The following GPAM variants were observed in gnomAD, a reference collection of about 807,000 sequenced individuals.
GPAM encodes glycerol-3-phosphate acyltransferase, mitochondrial.
GPAM carries 56 observed loss-of-function variants against 105.0 expected under a neutral mutation model. That is an observed-to-expected ratio of 0.53 (90% CI 0.43 to 0.67). The LOEUF (loss-of-function observed/expected upper bound fraction) is 0.67. Among genes scored for constraint, GPAM ranks in the 30% least tolerant of loss-of-function variants. The pLI is 0.00. For missense variants in GPAM, 855 were observed against 989.8 expected (o/e 0.86, Z 1.83); for synonymous variants, 368 against 354.4 (o/e 1.04, Z -0.43).
the GPAM span, among the ~76,000 whole-genome samples, chr10:112,223,569 T>C: frequency 6.6e-6 from 1 of 152,234 alleles, no homozygotes; most frequent in African/African-American, 2.4e-5. Context: ...AAATCACTTC[T>C]TATGTTCCCT....
chr10:112,181,051 T>G (rs368434104), intron 3 of GPAM, among the ~76,000 whole-genome samples: 10 of 152,070 alleles, frequency 6.6e-5, no homozygotes, highest in East Asian at 3.9e-4. Flanking sequence ...CAAGGGAACT[T>G]AAAGACCAGA....
chr10:112,168,946 C>T lies in GPAM; in HGVS notation c.801G>A (p.Leu267=). 8.9e-6 allele frequency: 14 copies of T among 1,578,756 alleles called. No homozygotes were observed. Among genetic ancestry groups the T allele is most frequent in the Non-Finnish European group, 1.2e-5 (14 of 1,147,970 alleles). The change falls in exon 10 of 22, where the codon TTG becomes TTA. Residue 267 remains leucine (L), a synonymous_variant. Coordinates refer to ENST00000348367, the MANE Select transcript of GPAM (RefSeq NM_001244949.2). The stretch of plus-strand genomic sequence containing the variant: ...TGAAGAAGCCCCCAAGCTTATGGAT[C>T]AAGGTACTATAAATTCAGAATACAT... ...NNLNIPIFST[L]IHKLGGFFIR... is the part of the protein sequence containing the mutation.
At chr10:112,182,023 A>G (rs992067688) in intron 2 of GPAM, among the ~76,000 whole-genome samples, 1 of 152,134 alleles carries the variant, frequency 6.6e-6, no homozygotes, top group Admixed American at 6.5e-5. Flanking sequence ...AAAAAAAATC[A>G]GCATTTGTAT....
chr10:112,175,762 G>A, intron 5 of GPAM, 49 bp from the exon 6 acceptor site: 1 of 1,145,568 alleles, frequency 8.7e-7, no homozygotes, highest in Non-Finnish European at 1.3e-6. Flanking sequence ...CCTAAAACAA[G>A]TTGCTTAAAT....
chr10:112,161,655 T>G lies in GPAM; in HGVS notation c.1494+12A>C. The G allele has an allele frequency of 6.2e-7, 1 of 1,601,680 alleles. No homozygotes were observed. Among genetic ancestry groups the G allele is most frequent in the Non-Finnish European group, 8.6e-7 (1 of 1,168,776 alleles). On this transcript the variant is annotated intron_variant, in intron 15 of 21. Coordinates refer to ENST00000348367, the MANE Select transcript of GPAM (RefSeq NM_001244949.2). The stretch of plus-strand genomic sequence containing the variant: ...GCTTCCTACTTAACTGCAGGTGACA[T>G]TGCAGACATACCTGCCTGTGTCTGT...
At position 112,150,945 on chromosome 10, in the gene GPAM, G is replaced by T; in HGVS notation, c.*2605C>A. 2 of 984,916 alleles carry T rather than the reference G, an allele frequency of 2.0e-6. No homozygotes were observed. The highest frequency in any genetic ancestry group is 2.4e-6 in the Non-Finnish European group (2 of 829,266). The allele number at this position is 984,916 out of a possible 1,614,324, so 61.0% of individuals were successfully genotyped here. A position where few individuals can be genotyped will look rare whatever the true frequency, so the allele number is the denominator to read the frequency against. On this transcript the variant is annotated 3_prime_UTR_variant, in exon 22 of 22. Transcript: ENST00000348367. ...ACTTTGTGAAATTTAACAGATTCCA[G>T]AAGGAAGACTCGAAGCCATCTCAGT... is the stretch of plus-strand genomic sequence containing the variant.
At chr10:112,210,686 C>T (rs1847901441) in intron 1 of GPAM, among the ~76,000 whole-genome samples, 1 of 152,202 alleles carries the variant, frequency 6.6e-6, no homozygotes, top group Non-Finnish European at 1.5e-5. Flanking sequence ...GGGCCTGAGG[C>T]TAACTAAGCA....
At position 112,161,616 on chromosome 10, in the gene GPAM, CA is replaced by C. The variant is rs200274361; in HGVS notation, c.1494+50del. The stretch of plus-strand genomic sequence containing the variant: ...CCTGAGTATGTATCTGAGCAGCTGA[CA>C]AAACATTCTCCTGCTTCCTACTTAA... On this transcript the variant is annotated intron_variant, in intron 15 of 21. Transcript: ENST00000348367. 1,763 of 1,456,636 alleles carry C rather than the reference CA, an allele frequency of 1.2e-3. 15 individuals carry two copies. The African/African-American group carries it at 0.021, about 17-fold the overall frequency. The allele number at this position is 1,456,636 out of a possible 1,614,324, so 90.2% of individuals were successfully genotyped here. A position where few individuals can be genotyped will look rare whatever the true frequency, so the allele number is the denominator to read the frequency against.
At chr10:112,201,684 C>A (rs1283263462) in intron 1 of GPAM, among the ~76,000 whole-genome samples, 1 of 152,194 alleles carries the variant, frequency 6.6e-6, no homozygotes, top group Non-Finnish European at 1.5e-5. Context: ...TCTTCTATAT[C>A]ATCCTATTTA....
chr10:112,155,753 T>A, intron 20 of GPAM, 111 bp downstream of exon 20: 1 of 669,816 alleles, frequency 1.5e-6, no homozygotes, highest in South Asian at 1.7e-5. Context: ...TACTCTACGG[T>A]GTTAGAGGTC....
At chr10:112,161,202 T>C (rs1471579992) in intron 15 of GPAM, among the ~76,000 whole-genome samples, 1 of 152,206 alleles carries the variant, frequency 6.6e-6, no homozygotes, top group Non-Finnish European at 1.5e-5. Context: ...TAAATATTTA[T>C]CTGGCAAATA....
At chr10:112,201,313 G>C (rs968423892) in intron 1 of GPAM, among the ~76,000 whole-genome samples, 1 of 152,164 alleles carries the variant, frequency 6.6e-6, no homozygotes, top group Non-Finnish European at 1.5e-5. Flanking sequence ...ATGATACTTA[G>C]AACAAATATC....
chr10:112,212,983 G>A (rs1038039880), intron 1 of GPAM, among the ~76,000 whole-genome samples: 1 of 152,220 alleles, frequency 6.6e-6, no homozygotes, highest in Admixed American at 6.5e-5. Context: ...AGAGGGACGG[G>A]AAAGCTGATC....
chr10:112,165,287 G>C (rs1340266268), intron 12 of GPAM, among the ~76,000 whole-genome samples: 1 of 152,144 alleles, frequency 6.6e-6, no homozygotes, highest in Admixed American at 6.5e-5. Context: ...GGGCCTCAGG[G>C]ACCTGCCAGT....
rs769507274 is a variant in GPAM at position 112,160,017 on chromosome 10, A to G, written c.1796T>C (p.Leu599Pro). 1.9e-6 allele frequency: 3 copies of G among 1,612,694 alleles called. No individual in the cohort carries two copies. Among genetic ancestry groups the G allele is most frequent in the African/African-American group, 1.3e-5 (1 of 75,022 alleles). The change falls in exon 17 of 22, where the codon CTG becomes CCG. Residue 599 changes from leucine (L) to proline (P), a missense_variant. Leu to Pro is a moderately conservative substitution (Grantham distance 98, BLOSUM62 -3). Transcript: ENST00000348367. ...SLYAVLNKRG[L>P]GGPTSTPPNL... ...AGGTGGGGTGCTAGTGGGACCCCCC[A>G]GTCCCCTCTTGTTCAGAACTGCATA...
intron 1 of GPAM, among the ~76,000 whole-genome samples, chr10:112,203,697 C>G (rs1459587979): frequency 1.3e-5 from 2 of 152,194 alleles, no homozygotes; most frequent in East Asian, 3.8e-4. Flanking sequence ...TTTACCAGGA[C>G]TGTGCCACAC....
rs1846949228 is a variant in GPAM, at chr10:112,153,105, T to C, written c.*445A>G. 9.9e-7 allele frequency: 1 copy of C among 1,009,958 alleles called. No homozygotes were observed. The highest frequency in any genetic ancestry group is 4.0e-5 in the South Asian group (1 of 24,850). The allele number at this position is 1,009,958 out of a possible 1,614,324, so 62.6% of individuals were successfully genotyped here. On this transcript the variant is annotated 3_prime_UTR_variant, in exon 22 of 22. Coordinates refer to ENST00000348367, the MANE Select transcript of GPAM (RefSeq NM_001244949.2). ...AAAGAGTGAATGGATGACTCAATTA[T>C]TTTTAAAGGAAGCATTAACCACTAA...
At chr10:112,185,727 T>G (rs1847588452), upstream of GPAM, among the ~76,000 whole-genome samples, 1 of 151,892 alleles carries the variant, frequency 6.6e-6, no homozygotes. Flanking sequence ...GAGCCAAGAT[T>G]GTGCCACTGC....
At chr10:112,160,937 T>G (rs1159814033) in intron 15 of GPAM, 69 bp from the exon 16 acceptor site, 2 of 1,355,050 alleles carry the variant, frequency 1.5e-6, no homozygotes, top group African/African-American at 2.9e-5. Flanking sequence ...GAGGCCAACA[T>G]TCCAAGACTT....
Sources: allele counts gnomAD v4.1 joint callset (sites outside exome capture counted in the v4.1 genomes callset), GRCh38; gene constraint gnomAD v4.1.1; transcripts MANE v1.5; gene names NCBI Gene and HGNC (gene_info 2026-07-23, HGNC 2026-07-21).